Variants in UBE2D1 observed in about 807,000 individuals in gnomAD.
The protein encoded by UBE2D1 is ubiquitin-conjugating enzyme E2 D1.
Under a neutral mutation model 24.6 loss-of-function variants are expected in UBE2D1, and 9 were observed. The observed-to-expected ratio is 0.37, with a 90% CI of 0.22 to 0.64. The LOEUF (loss-of-function observed/expected upper bound fraction) is 0.64. UBE2D1 is among the 30% of genes least tolerant of loss of function. The probability of loss-of-function intolerance (pLI) is 0.64; values close to 1 mark genes in which losing one functional copy is unlikely to be tolerated. For missense variants in UBE2D1, 87 were observed against 177.1 expected (o/e 0.49, Z 2.89); for synonymous variants, 57 against 57.6 (o/e 0.99, Z 0.04).
intron 1 of UBE2D1, among the ~76,000 whole-genome samples, chr10:58,361,135 C>T (rs188765850): frequency 3.8e-3 from 571 of 152,144 alleles, no homozygotes; most frequent in Non-Finnish European, 6.6e-3. Flanking sequence ...TTAATCTTTT[C>T]AAGGTCTGAA....
intron 5 of UBE2D1, among the ~76,000 whole-genome samples, chr10:58,365,224 A>G (rs1018388038): frequency 7.2e-5 from 11 of 152,148 alleles, no homozygotes; most frequent in African/African-American, 2.7e-4. Flanking sequence ...TTATTCTAAC[A>G]CTTTGGAAGG....
chr10:58,342,822 G>T (rs374787662), intron 1 of UBE2D1, among the ~76,000 whole-genome samples: 14 of 145,402 alleles, frequency 9.6e-5, no homozygotes, highest in East Asian at 2.0e-4. Context: ...TGTTTTTTTT[G>T]GTTTTTTTTT....
chr10:58,365,472 A>G (rs1168966826), intron 5 of UBE2D1, among the ~76,000 whole-genome samples: 1 of 152,242 alleles, frequency 6.6e-6, no homozygotes, highest in Non-Finnish European at 1.5e-5. Flanking sequence ...GACATTTCAC[A>G]CTGTAGGATA....
At chr10:58,335,714 C>CT (rs1839896100) in intron 1 of UBE2D1, among the ~76,000 whole-genome samples, 1 of 152,228 alleles carries the variant, frequency 6.6e-6, no homozygotes, top group Admixed American at 6.5e-5. Context: ...CGGGTTGGTT[C>CT]TTTCTCTCCT....
chr10:58,350,955 A>G (rs953299486), intron 1 of UBE2D1, among the ~76,000 whole-genome samples: 4 of 152,198 alleles, frequency 2.6e-5, no homozygotes, highest in Non-Finnish European at 5.9e-5. Context: ...AGGCAATTGT[A>G]ACACAGTGGG....
rs1184082242 is a variant in UBE2D1 at position 58,370,524 on chromosome 10, A to AT, written c.*1760dup. 29 of 152,776 alleles carry AT rather than the reference A, an allele frequency of 1.9e-4. No homozygotes were observed. Among genetic ancestry groups the AT allele is most frequent in the African/African-American group, 7.0e-4 (29 of 41,578 alleles). 9.5% of individuals were successfully genotyped at this position (152,776 alleles called of 1,614,324 possible). A position where few individuals can be genotyped will look rare whatever the true frequency, so the allele number is the denominator to read the frequency against. ...TATAAAATGATGTCTTAAAACAGCC[A>AT]TATCATGAAAAATTCTACTTAGCTA... is the stretch of plus-strand genomic sequence containing the variant. On this transcript the variant is annotated 3_prime_UTR_variant, in exon 7 of 7. Transcript: ENST00000373910.
chr10:58,340,387 CA>C (rs1839949838), intron 1 of UBE2D1, among the ~76,000 whole-genome samples: 1 of 152,142 alleles, frequency 6.6e-6, no homozygotes, highest in Non-Finnish European at 1.5e-5. Context: ...CCTTGTTCAG[CA>C]GAGCAAATTT....
intron 1 of UBE2D1, among the ~76,000 whole-genome samples, chr10:58,355,850 C>T (rs1361163809): frequency 6.6e-6 from 1 of 152,140 alleles, no homozygotes; most frequent in African/African-American, 2.4e-5. Flanking sequence ...ATTCAAATCT[C>T]ACCAGTTTTT....
chr10:58,335,416 C>T (rs1301517617), intron 1 of UBE2D1, among the ~76,000 whole-genome samples, 191 bp downstream of exon 1: 2 of 152,232 alleles, frequency 1.3e-5, no homozygotes, highest in Admixed American at 6.5e-5. Context: ...GGTCAGGTCC[C>T]AGGCGGCCGG....
At chr10:58,354,645 A>G (rs1840111478) in intron 1 of UBE2D1, among the ~76,000 whole-genome samples, 1 of 151,996 alleles carries the variant, frequency 6.6e-6, no homozygotes, top group Non-Finnish European at 1.5e-5. Flanking sequence ...CAGCCTGGCC[A>G]ATATATAGTG....
At chr10:58,365,418 A>G (rs1840245144) in intron 5 of UBE2D1, among the ~76,000 whole-genome samples, 1 of 152,252 alleles carries the variant, frequency 6.6e-6, no homozygotes, top group African/African-American at 2.4e-5. Flanking sequence ...ACTTCATCCA[A>G]GAATAAAATA....
intron 1 of UBE2D1, among the ~76,000 whole-genome samples, chr10:58,358,793 C>A (rs1300607848): frequency 6.6e-6 from 1 of 150,500 alleles, no homozygotes; most frequent in Non-Finnish European, 1.5e-5. Context: ...TGCGGTCTTG[C>A]TCTGTCACCC....
intron 3 of UBE2D1, among the ~76,000 whole-genome samples, chr10:58,361,744 A>T (rs1840201096): frequency 6.6e-6 from 1 of 151,622 alleles, no homozygotes; most frequent in Admixed American, 6.6e-5. Flanking sequence ...TGAATCCTAG[A>T]TCATTACACA....
rs1193352547 is a variant in UBE2D1, at chr10:58,370,721, TTTTC to T, written c.*1960_*1963del. On this transcript the variant is annotated 3_prime_UTR_variant, in exon 7 of 7. Coordinates refer to ENST00000373910, the MANE Select transcript of UBE2D1 (RefSeq NM_003338.5). ...TTTATTTTTGGAAGTGTCTTCTTTT[TTTTC>T]TTTATTAAAGTTTTTGAAACTTGCC... 3 of 152,388 alleles carry T rather than the reference TTTTC, an allele frequency of 2.0e-5. No homozygotes were observed. The highest frequency in any genetic ancestry group is 7.2e-5 in the African/African-American group (3 of 41,426). 9.4% of individuals were successfully genotyped at this position (152,388 alleles called of 1,614,324 possible).
intron 1 of UBE2D1, among the ~76,000 whole-genome samples, chr10:58,359,224 G>T (rs1840167926): frequency 6.6e-6 from 1 of 152,112 alleles, no homozygotes; most frequent in African/African-American, 2.4e-5. Flanking sequence ...CCTTATTGCA[G>T]TGATTCTAAG....
chr10:58,368,294 C>T, intron 6 of UBE2D1: 1 of 304,092 alleles, frequency 3.3e-6, no homozygotes, highest in Non-Finnish European at 6.1e-6. Flanking sequence ...AGAATTTAAT[C>T]ATTGGAAAGT....
intron 1 of UBE2D1, among the ~76,000 whole-genome samples, chr10:58,340,399 G>A (rs1264791646): frequency 2.6e-5 from 4 of 152,130 alleles, no homozygotes; most frequent in African/African-American, 9.7e-5. Flanking sequence ...GAGCAAATTT[G>A]TGGGCTTTTA....
chr10:58,364,393 A>T (rs1840233680), intron 4 of UBE2D1: 1 of 157,122 alleles, frequency 6.4e-6, no homozygotes, highest in African/African-American at 2.4e-5. Context: ...TTAGATCCAA[A>T]TGTTACTTCC....
At chr10:58,345,545 C>A (rs763365045) in intron 1 of UBE2D1, among the ~76,000 whole-genome samples, 5 of 151,996 alleles carry the variant, frequency 3.3e-5, no homozygotes, top group Non-Finnish European at 7.4e-5. Context: ...TAAGGAGATG[C>A]TAGTTATGTA....
Sources: gnomAD v4.1 joint callset for allele counts (sites outside exome capture counted in the v4.1 genomes callset) on GRCh38, gnomAD v4.1.1 for gene constraint, MANE v1.5 for transcripts, NCBI Gene and HGNC (gene_info 2026-07-23, HGNC 2026-07-21) for gene names.